The following JMJD1C variants were observed in gnomAD, a reference collection of about 807,000 sequenced individuals.
JMJD1C encodes jumonji domain containing 1C, also known as jumonji domain-containing protein 1C.
JMJD1C carries 31 observed loss-of-function variants against 245.3 expected under a neutral mutation model. The observed-to-expected ratio is 0.13, with a 90% CI of 0.09 to 0.17. JMJD1C has a LOEUF of 0.17. JMJD1C is among the 10% of genes least tolerant of loss of function. The probability of loss-of-function intolerance (pLI) is 1.00; values close to 1 mark genes in which losing one functional copy is unlikely to be tolerated. For missense variants in JMJD1C, 2,691 were observed against 3,000.2 expected (o/e 0.90, Z 2.41); for synonymous variants, 1,057 against 1,017.4 (o/e 1.04, Z -0.74).
intron 1 of JMJD1C, among the ~76,000 whole-genome samples, chr10:63,403,669 T>C (rs917751808): frequency 1.3e-5 from 2 of 152,234 alleles, no homozygotes; most frequent in African/African-American, 4.8e-5. Flanking sequence ...CCAGGCGCAG[T>C]GGCTCACACC....
In JMJD1C at chr10:63,426,655, C is replaced by T. The variant is rs770684109; in HGVS notation, c.168+38840G>A. Among the ~76,000 whole-genome samples, 76 of 151,548 alleles carry T rather than the reference C, an allele frequency of 5.0e-4. 1 individual carries two copies. Among genetic ancestry groups the T allele is most frequent in the African/African-American group, 8.2e-4 (34 of 41,248 alleles). The stretch of plus-strand genomic sequence containing the variant: ...CATTGCACTCCAGCCTGGGAGACTC[C>T]GTCTCAAAAAAAAAAGACAATGGAA... On this transcript the variant is annotated intron_variant, in intron 1 of 25. Coordinates refer to ENST00000399262, the MANE Select transcript of JMJD1C (RefSeq NM_032776.3).
intron 1 of JMJD1C, among the ~76,000 whole-genome samples, chr10:63,453,845 T>A (rs890074372): frequency 6.6e-6 from 1 of 152,172 alleles, no homozygotes; most frequent in Non-Finnish European, 1.5e-5. Flanking sequence ...TTCAAGCGAT[T>A]CTCCTGCCTC....
chr10:63,437,754 T>C (rs914145327), intron 1 of JMJD1C, among the ~76,000 whole-genome samples: 4 of 152,224 alleles, frequency 2.6e-5, no homozygotes, highest in African/African-American at 9.6e-5. Flanking sequence ...AAACTGCTGA[T>C]CAAGGTTACC....
Position 63,214,474 on chromosome 10 carries a change from A to C in JMJD1C, c.1693T>G (p.Trp565Gly), listed in dbSNP as rs764882273. The C allele has an allele frequency of 3.7e-6, 6 of 1,614,000 alleles. No homozygotes were observed. The highest frequency in any genetic ancestry group is 5.1e-6 in the Non-Finnish European group (6 of 1,179,964). The change falls in exon 8 of 26, where the codon TGG becomes GGG. Residue 565 changes from tryptophan (W) to glycine (G), a missense_variant. Transcript: ENST00000399262. ...ETAKKDSDQS[W>G]VSDVVKVDLT... ...TCCACTTTAACTACATCACTGACCC[A>C]GCTCTGGTCAGAATCTTTTTTTGCT...
chr10:63,184,906 T>C (rs964488565), intron 20 of JMJD1C, among the ~76,000 whole-genome samples, 168 bp from the exon 21 acceptor site: 3 of 152,228 alleles, frequency 2.0e-5, no homozygotes, highest in Non-Finnish European at 4.4e-5. Flanking sequence ...TCTGCTTCTC[T>C]AACCATTAAA....
At chr10:63,371,825 G>A (rs1359232973) in intron 2 of JMJD1C, among the ~76,000 whole-genome samples, 1 of 152,070 alleles carries the variant, frequency 6.6e-6, no homozygotes, top group Admixed American at 6.5e-5. Flanking sequence ...CTCTTAAAGT[G>A]CTTTACCTTG....
chr10:63,512,266 A>G (rs1173728281), intron 1 of JMJD1C, among the ~76,000 whole-genome samples: 1 of 151,410 alleles, frequency 6.6e-6, no homozygotes, highest in African/African-American at 2.4e-5. Flanking sequence ...CTTCTGACCT[A>G]TATTATTTTC....
chr10:63,477,804 T>C (rs1199134502), intron 1 of JMJD1C, among the ~76,000 whole-genome samples: 1 of 151,928 alleles, frequency 6.6e-6, no homozygotes. Flanking sequence ...GGTCACAGGG[T>C]GAGGTAAAAT....
chr10:63,518,773 CA>C (rs1168724634), intron 1 of JMJD1C, among the ~76,000 whole-genome samples: 1 of 152,222 alleles, frequency 6.6e-6, no homozygotes, highest in African/African-American at 2.4e-5. Flanking sequence ...CTTCACTCAA[CA>C]AATGCAAGTT....
At chr10:63,459,519 T>A (rs7074735) in intron 1 of JMJD1C, among the ~76,000 whole-genome samples, 100,310 of 152,062 alleles carry the variant, frequency 0.66, 36,010 homozygotes, top group Non-Finnish European at 0.81. Flanking sequence ...TATTTGTAAA[T>A]ATTTAGAAAG....
rs539067598 is a variant in JMJD1C, at chr10:63,216,358, T to C, written c.679-662A>G. Among the ~76,000 whole-genome samples the C allele has an allele frequency of 3.6e-4, 54 of 151,858 alleles. 1 individual carries two copies. Among genetic ancestry groups the C allele is most frequent in the African/African-American group, 1.1e-3 (47 of 41,522 alleles). ...TAAACAACAGCTTTAAAAATGAGTA[T>C]TTTTTGTATTAAGTTAAAAAAAAAA... On this transcript the variant is annotated intron_variant, in intron 5 of 25. Coordinates refer to ENST00000399262, the MANE Select transcript of JMJD1C (RefSeq NM_032776.3).
chr10:63,169,386 T>C (rs1842140490), intron 24 of JMJD1C, among the ~76,000 whole-genome samples: 1 of 152,184 alleles, frequency 6.6e-6, no homozygotes, highest in Non-Finnish European at 1.5e-5. Context: ...TTCTAGATTG[T>C]CTTCTAGTGA....
At chr10:63,280,657 T>G (rs965649365) in intron 2 of JMJD1C, among the ~76,000 whole-genome samples, 3 of 152,230 alleles carry the variant, frequency 2.0e-5, no homozygotes, top group Admixed American at 6.5e-5. Flanking sequence ...TCTTTTCAAT[T>G]CTAAGATTTT....
In JMJD1C at chr10:63,289,912, T is replaced by C. The variant is rs1326691957; in HGVS notation, c.334-25148A>G. 2.0e-5 allele frequency among the ~76,000 whole-genome samples: 3 copies of C among 152,100 alleles called. No homozygotes were observed. In the East Asian group the frequency reaches 5.8e-4, roughly 29 times the overall value. ...TCCAAGATGACTGTACCCATGTTAC[T>C]TATAAAATTTAAATATATAATAAAA... On this transcript the variant is annotated intron_variant, in intron 2 of 25. Transcript: ENST00000399262.
chr10:63,388,615 C>T (rs1289155004), intron 1 of JMJD1C, among the ~76,000 whole-genome samples: 1 of 152,050 alleles, frequency 6.6e-6, no homozygotes, highest in East Asian at 1.9e-4. Flanking sequence ...AGAAAACCAC[C>T]AAACCACAAT....
chr10:63,440,623 CCT>C (rs145365405), intron 1 of JMJD1C, among the ~76,000 whole-genome samples: 3,230 of 152,156 alleles, frequency 0.021, 111 homozygotes, highest in African/African-American at 0.072. Context: ...CTATGATCTA[CCT>C]CTTAGAACCC....
chr10:63,506,782 A>G (rs1346395390), intron 1 of JMJD1C, among the ~76,000 whole-genome samples: 1 of 152,158 alleles, frequency 6.6e-6, no homozygotes. Context: ...ATTATCAACC[A>G]AAGTCCATAG....
chr10:63,342,817 A>C (rs1012145576), intron 2 of JMJD1C, among the ~76,000 whole-genome samples: 1 of 152,212 alleles, frequency 6.6e-6, no homozygotes. Flanking sequence ...TGCAATAGTG[A>C]TAATTTTGCT....
At chr10:63,358,296 T>C (rs759726794) in intron 2 of JMJD1C, among the ~76,000 whole-genome samples, 3 of 152,018 alleles carry the variant, frequency 2.0e-5, no homozygotes, top group Non-Finnish European at 2.9e-5. Context: ...ATCATAGAAA[T>C]CCTGAGAAAT....
Sources: allele counts gnomAD v4.1 joint callset (sites outside exome capture counted in the v4.1 genomes callset), GRCh38; gene constraint gnomAD v4.1.1; transcripts MANE v1.5; gene names NCBI Gene and HGNC (gene_info 2026-07-23, HGNC 2026-07-21).